The following ABCA10 variants were observed in gnomAD, a reference collection of about 807,000 sequenced individuals.
The protein encoded by ABCA10 is ATP-binding cassette sub-family A member 10.
A neutral mutation model predicts 187.5 loss-of-function variants in ABCA10; 169 were observed. The ratio of observed to expected loss-of-function variants is 0.90; its 90% CI spans 0.80 to 1.02. The LOEUF is 1.02. Among genes scored for constraint, ABCA10 ranks in the 50% least tolerant of loss-of-function variants. The pLI is 0.00. For missense variants in ABCA10, 1,727 were observed against 1,812.4 expected (o/e 0.95, Z 0.86); for synonymous variants, 574 against 601.8 (o/e 0.95, Z 0.68).
rs1307077479 is a variant in ABCA10 at position 69,153,547 on chromosome 17, C to G, written c.3966-1G>C. On this transcript the variant is annotated splice_acceptor_variant, in intron 32 of 38. Transcript: ENST00000690296. LOFTEE classifies it high-confidence loss of function. The stretch of plus-strand genomic sequence containing the variant: ...CTGGAGCTTAAGAGCTTCCACCAAT[C>G]TGACAAAAAACAGTGTGATTATACA... 1 of 1,613,728 alleles carries G rather than the reference C, an allele frequency of 6.2e-7. No homozygotes were observed. The highest frequency in any genetic ancestry group is 1.7e-5 in the Admixed American group (1 of 59,916).
chr17:69,238,965 A>G (rs991766223), intron 1 of ABCA10, among the ~76,000 whole-genome samples: 3 of 152,210 alleles, frequency 2.0e-5, no homozygotes, highest in East Asian at 1.9e-4. Flanking sequence ...AAATATCTCC[A>G]TAACTGTGGA....
At chr17:69,240,133 A>C (rs545849087) in intron 1 of ABCA10, among the ~76,000 whole-genome samples, 4 of 152,172 alleles carry the variant, frequency 2.6e-5, no homozygotes, top group Non-Finnish European at 5.9e-5. Flanking sequence ...GCATTGTTTG[A>C]TCATGCACCC....
rs747461248 is a variant in ABCA10, at chr17:69,149,014, T to C, written c.4533+19A>G. 1.1e-5 allele frequency: 17 copies of C among 1,613,910 alleles called. No homozygotes were observed. Among genetic ancestry groups the C allele is most frequent in the Non-Finnish European group, 1.4e-5 (16 of 1,179,854 alleles). On this transcript the variant is annotated intron_variant, in intron 38 of 38. Transcript: ENST00000690296. ...CAGAGGTCATCTGGATGGTGCTCAC[T>C]CGTTCAATGAAAACCCACCTGCTCC... is the stretch of plus-strand genomic sequence containing the variant.
At chr17:69,209,885 T>C (rs1414632787) in intron 9 of ABCA10, among the ~76,000 whole-genome samples, 3 of 152,148 alleles carry the variant, frequency 2.0e-5, no homozygotes, top group Non-Finnish European at 4.4e-5. Context: ...TCTTATCATA[T>C]CTAAACATAG....
intron 10 of ABCA10, among the ~76,000 whole-genome samples, chr17:69,200,242 C>T (rs556075869): frequency 6.6e-6 from 1 of 152,284 alleles, no homozygotes; most frequent in South Asian, 2.1e-4. Context: ...TGTGATAGCT[C>T]ATTGACTCTT....
At chr17:69,196,776 T>C (rs1456445365) in intron 11 of ABCA10, among the ~76,000 whole-genome samples, 1 of 152,140 alleles carries the variant, frequency 6.6e-6, no homozygotes, top group African/African-American at 2.4e-5. Flanking sequence ...CTCGCGAGGC[T>C]GAGGCTAGCA....
At chr17:69,216,103 T>C (rs2144839892) in intron 7 of ABCA10, 103 bp from the exon 8 acceptor site, 6 of 1,547,006 alleles carry the variant, frequency 3.9e-6, no homozygotes, top group South Asian at 3.7e-5. Context: ...TCAAAACATA[T>C]AGAAAATAGG....
chr17:69,241,174 A>G (rs2074901308), intron 1 of ABCA10, among the ~76,000 whole-genome samples: 1 of 152,338 alleles, frequency 6.6e-6, no homozygotes, highest in African/African-American at 2.4e-5. Context: ...ATAATTGCTG[A>G]TAATTCTACT....
intron 11 of ABCA10, among the ~76,000 whole-genome samples, chr17:69,194,891 G>C (rs1446713719): frequency 6.6e-6 from 1 of 152,186 alleles, no homozygotes; most frequent in African/African-American, 2.4e-5. Context: ...GAAACAGAAG[G>C]GCTGGGTATA....
intron 19 of ABCA10, 39 bp downstream of exon 19, chr17:69,187,642 T>C (rs753688614): frequency 6.4e-7 from 1 of 1,565,160 alleles, no homozygotes; most frequent in Non-Finnish European, 8.7e-7. Context: ...TGTTTTTTCA[T>C]ATACTGACCA....
In ABCA10 at chr17:69,193,088, G is replaced by C. The variant is rs201705204; in HGVS notation, c.1780+22C>G. The C allele has an allele frequency of 3.2e-6, 5 of 1,578,228 alleles. No individual in the cohort carries two copies. In the East Asian group the frequency reaches 1.1e-4, roughly 36 times the overall value. On this transcript the variant is annotated intron_variant, in intron 15 of 38. Transcript: ENST00000690296. The stretch of plus-strand genomic sequence containing the variant: ...TGTTAAATCCTTAAATAACTAGTTG[G>C]AATAAAGAAGCCAAGAATCACCAGC...
intron 35 of ABCA10, 33 bp from the exon 36 acceptor site, chr17:69,152,216 T>C: frequency 6.3e-7 from 1 of 1,588,376 alleles, no homozygotes; most frequent in Non-Finnish European, 8.5e-7. Flanking sequence ...AAAATACTTG[T>C]CTCTTAATTT....
intron 1 of ABCA10, among the ~76,000 whole-genome samples, chr17:69,227,942 T>C (rs964803178): frequency 1.3e-5 from 2 of 152,036 alleles, no homozygotes; most frequent in Non-Finnish European, 2.9e-5. Context: ...ATCCTTATTC[T>C]TTGTTTTCAA....
At position 69,193,587 on chromosome 17, in the gene ABCA10, T is replaced by C. The variant is rs1250392420; in HGVS notation, c.1547A>G (p.Asp516Gly). 1.2e-6 allele frequency: 2 copies of C among 1,609,100 alleles called. No homozygotes were observed. Among genetic ancestry groups the C allele is most frequent in the African/African-American group, 1.3e-5 (1 of 74,784 alleles). Residue 516 changes from aspartate to glycine, a missense_variant, in exon 14 of 39, where the codon GAC becomes GGC. Transcript: ENST00000690296. ...QEVKRIIMEL[D>G]MQSIQDIIAK... ...AATAATGTCTTGAATGCTTTGCATGTCTAATTCCATTATAATTCTTTTTAC... is the reference window on the plus strand; with the variant it reads ...AATAATGTCTTGAATGCTTTGCATGCCTAATTCCATTATAATTCTTTTTAC...
intron 18 of ABCA10, 120 bp from the exon 19 acceptor site, chr17:69,187,999 T>A: frequency 1.2e-6 from 1 of 845,266 alleles, no homozygotes; most frequent in African/African-American, 1.7e-5. Context: ...GCTACTGATA[T>A]CCATAATCAA....
chr17:69,150,117 G>A, intron 36 of ABCA10, 54 bp from the exon 37 acceptor site: 1 of 1,349,158 alleles, frequency 7.4e-7, no homozygotes, highest in African/African-American at 1.5e-5. Context: ...ATAATACGGG[G>A]GAGGAATTAA....
At position 69,165,075 on chromosome 17, in the gene ABCA10, T is replaced by C. The variant is rs1270992945; in HGVS notation, c.3171A>G (p.Ile1057Met). The change falls in exon 26 of 39, where the codon ATA becomes ATG. Residue 1057 changes from isoleucine (I) to methionine (M), a missense_variant. Ile to Met is a conservative substitution (Grantham distance 10). Transcript: ENST00000690296. Reference sequence around the variant, plus strand: ...TTGATACCATAATTGTGGATACACATATTAAGATCTAGAAAAAAATCCAGA... The same window carrying C: ...TTGATACCATAATTGTGGATACACACATTAAGATCTAGAAAAAAATCCAGA... The part of the protein sequence containing the change: ...FWSFGFFIIL[I>M]CVSTIMVSTQ... 10 of 1,555,452 alleles carry C rather than the reference T, an allele frequency of 6.4e-6. No individual in the cohort carries two copies. Among genetic ancestry groups the C allele is most frequent in the African/African-American group, 1.4e-5 (1 of 73,386 alleles).
chr17:69,164,082 T>A lies in ABCA10; in HGVS notation c.3355A>T (p.Thr1119Ser). 1 of 1,575,734 alleles carries A rather than the reference T, an allele frequency of 6.3e-7. No individual in the cohort carries two copies. The highest frequency in any genetic ancestry group is 1.4e-5 in the African/African-American group (1 of 72,288). ...TAGAAAATGTTCCTTACTATTAAGG[T>A]TGTTAAAAGAATGGTTTTATTGACT... ...NEVNKTILLT[T>S]LIPYLQSVIF... is the part of the protein sequence containing the mutation. Residue 1119 changes from threonine (T) to serine (S), a missense_variant, in exon 27 of 39, where the codon ACC (threonine) becomes TCC (serine). By Grantham distance (58) the Thr-to-Ser change is moderately conservative. Coordinates refer to ENST00000690296, the MANE Select transcript of ABCA10 (RefSeq NM_001377321.1).
At chr17:69,206,222 T>C (rs558152783) in intron 9 of ABCA10, among the ~76,000 whole-genome samples, 1 of 152,354 alleles carries the variant, frequency 6.6e-6, no homozygotes, top group Admixed American at 6.5e-5. Context: ...AATGTGATTC[T>C]AGAATAATAC....
Sources: gnomAD v4.1 joint callset for allele counts (sites outside exome capture counted in the v4.1 genomes callset) on GRCh38, gnomAD v4.1.1 for gene constraint, MANE v1.5 for transcripts, NCBI Gene and HGNC (gene_info 2026-07-23, HGNC 2026-07-21) for gene names.